Variants in ZFP2 observed in about 807,000 individuals in gnomAD.
ZFP2 encodes ZFP2 zinc finger protein.
A neutral mutation model predicts 36.1 loss-of-function variants in ZFP2; 33 were observed. The observed-to-expected ratio is 0.92, with a 90% CI of 0.69 to 1.22. The LOEUF is 1.22. ZFP2 is among the 50% of genes most tolerant of loss of function. ZFP2 has a pLI of 0.00. For missense variants in ZFP2, 522 were observed against 551.4 expected, an observed-to-expected ratio of 0.95 and a Z score of 0.53; for synonymous variants, 170 against 178.0, an observed-to-expected ratio of 0.96 and a Z score of 0.36.
At chr5:178,924,122 C>T (rs1314817194) in intron 4 of ZFP2, among the ~76,000 whole-genome samples, 1 of 149,126 alleles carries the variant, frequency 6.7e-6, no homozygotes, top group African/African-American at 2.4e-5. Context: ...GCCTGTAATC[C>T]CAGCACTTTT....
Position 178,931,760 on chromosome 5 carries a change from A to G in ZFP2, c.447A>G (p.Gln149=). 6.2e-7 allele frequency: 1 copy of G among 1,614,098 alleles called. No individual in the cohort carries two copies. Among genetic ancestry groups the G allele is most frequent in the South Asian group, 1.1e-5 (1 of 91,082 alleles). The change falls in exon 5 of 5, where the codon CAA becomes CAG. Residue 149 remains glutamine, a synonymous_variant. Coordinates refer to ENST00000361362, the MANE Select transcript of ZFP2 (RefSeq NM_030613.4). ...FIERSSLTVH[Q]RIHTGEKPYK... ...AACGATCCTCCCTTACTGTACATCAAAGAATTCATACTGGAGAGAAACCCT... is the reference window on the plus strand; with the variant it reads ...AACGATCCTCCCTTACTGTACATCAGAGAATTCATACTGGAGAGAAACCCT...
rs764554757 is a variant in ZFP2 at position 178,921,416 on chromosome 5, G to A, written c.-78+4706G>A. ...GACAAAGAAAAGATGATGAAGTGGG[G>A]CTTCTTGCTACCCTTCTTGGGACCA... On this transcript the variant is annotated intron_variant, in intron 4 of 4. Transcript: ENST00000361362. Among the ~76,000 whole-genome samples the A allele has an allele frequency of 3.4e-4, 44 of 128,030 alleles. 4 individuals are homozygous for A. Among genetic ancestry groups the A allele is most frequent in the Non-Finnish European group, 6.1e-4 (32 of 52,544 alleles). The allele number at this position is 128,030 out of a possible 152,430, so 84.0% of individuals were successfully genotyped here.
intron 1 of ZFP2, among the ~76,000 whole-genome samples, chr5:178,908,412 A>C (rs899139512): frequency 6.6e-6 from 1 of 150,848 alleles, no homozygotes; most frequent in African/African-American, 2.4e-5. Context: ...GCGCCACTGC[A>C]CTCCAGCCTG....
chr5:178,913,272 A>T (rs1013785886), intron 3 of ZFP2, among the ~76,000 whole-genome samples: 1 of 152,142 alleles, frequency 6.6e-6, no homozygotes, highest in Non-Finnish European at 1.5e-5. Context: ...GGAGTAAATG[A>T]GTTTTTACAT....
chr5:178,912,124 C>T (rs1418284745), intron 1 of ZFP2, among the ~76,000 whole-genome samples: 1 of 152,136 alleles, frequency 6.6e-6, no homozygotes, highest in Admixed American at 6.5e-5. Context: ...CAGAGCAAGA[C>T]TCGGTCTCAA....
rs1172687652 is a variant in ZFP2, at chr5:178,931,387, A to C, written c.74A>C (p.Gln25Pro). The change falls in exon 5 of 5, where the codon CAG becomes CCG. Residue 25 changes from glutamine to proline, a missense_variant. By Grantham distance (76) the Gln-to-Pro change is moderately conservative. Transcript: ENST00000361362. ...CCTAATAATTGGTTAGAGGGACAACAGGATAGTCATCTGAGCCAAGTGGGA... is the reference window on the plus strand; with the variant it reads ...CCTAATAATTGGTTAGAGGGACAACCGGATAGTCATCTGAGCCAAGTGGGA... Reference protein sequence around the residue: ...WEPNNWLEGQQDSHLSQVGVT... With the variant: ...WEPNNWLEGQPDSHLSQVGVT... The C allele has an allele frequency of 6.2e-7, 1 of 1,614,122 alleles. No homozygotes were observed. Among genetic ancestry groups the C allele is most frequent in the African/African-American group, 1.3e-5 (1 of 75,034 alleles).
intron 4 of ZFP2, among the ~76,000 whole-genome samples, chr5:178,924,575 C>G (rs571373714): frequency 1.1e-4 from 17 of 148,654 alleles, no homozygotes; most frequent in Non-Finnish European, 2.6e-4. Flanking sequence ...CACAGGGGCT[C>G]CCACCAGTAA....
intron 1 of ZFP2, among the ~76,000 whole-genome samples, chr5:178,897,389 T>C (rs1311176455): frequency 6.6e-6 from 1 of 152,252 alleles, no homozygotes; most frequent in African/African-American, 2.4e-5. Flanking sequence ...TAAGCATGTT[T>C]CCTGACTGTG....
In ZFP2 at chr5:178,910,158, T is replaced by A. The variant is rs1223249512; in HGVS notation, c.-449-2426T>A. On this transcript the variant is annotated intron_variant, in intron 1 of 4. Coordinates refer to ENST00000361362, the MANE Select transcript of ZFP2 (RefSeq NM_030613.4). ...ACAGATTCTGTCACTGCTGTCTGCATTTAATGCTTTGCAGCCATCAAAAAT... is the reference window on the plus strand; with the variant it reads ...ACAGATTCTGTCACTGCTGTCTGCAATTAATGCTTTGCAGCCATCAAAAAT... 2.7e-6 allele frequency: 4 copies of A among 1,475,458 alleles called. No homozygotes were observed. In the African/African-American group the frequency reaches 5.5e-5, roughly 20 times the overall value. The allele number at this position is 1,475,458 out of a possible 1,614,324, so 91.4% of individuals were successfully genotyped here.
chr5:178,900,490 GA>G (rs1758033732), intron 1 of ZFP2, among the ~76,000 whole-genome samples: 1 of 43,548 alleles, frequency 2.3e-5, no homozygotes, highest in Non-Finnish European at 4.5e-5. Flanking sequence ...TCCCCAGCCA[GA>G]CAGTGTCCTC....
At chr5:178,922,706 A>G (rs1758582515) in intron 4 of ZFP2, 2 of 1,580,796 alleles carry the variant, frequency 1.3e-6, no homozygotes, top group Non-Finnish European at 1.7e-6. Flanking sequence ...AGCAACTTAC[A>G]TACAAGAACA....
Position 178,904,843 on chromosome 5 carries a change from C to T in ZFP2, c.-449-7741C>T, listed in dbSNP as rs577199496. 4.6e-5 allele frequency among the ~76,000 whole-genome samples: 7 copies of T among 151,848 alleles called. No individual in the cohort carries two copies. In the East Asian group the frequency reaches 9.7e-4, roughly 21 times the overall value. On this transcript the variant is annotated intron_variant, in intron 1 of 4. Coordinates refer to ENST00000361362, the MANE Select transcript of ZFP2 (RefSeq NM_030613.4). ...TCAGCCTCCTCAGTAGCTGGGACTACAGGCACGTGCCACCACGCCTGGCTA... is the reference window on the plus strand; with the variant it reads ...TCAGCCTCCTCAGTAGCTGGGACTATAGGCACGTGCCACCACGCCTGGCTA...
At position 178,924,791 on chromosome 5, in the gene ZFP2, T is replaced by G. The variant is rs1309918811; in HGVS notation, c.-77-6446T>G. 2.7e-5 allele frequency among the ~76,000 whole-genome samples: 4 copies of G among 148,572 alleles called. 1 individual carries two copies. In the Admixed American group the frequency reaches 2.7e-4, roughly 10 times the overall value. ...TGAACCCAGGAGGCGGAGGTAGCAG[T>G]AAGCCGAGATTGCGCCATTGCACTA... is the stretch of plus-strand genomic sequence containing the variant. On this transcript the variant is annotated intron_variant, in intron 4 of 4. Transcript: ENST00000361362.
intron 1 of ZFP2, among the ~76,000 whole-genome samples, chr5:178,906,437 T>C (rs1758167095): frequency 6.6e-6 from 1 of 152,252 alleles, no homozygotes; most frequent in African/African-American, 2.4e-5. Context: ...ATTTGCCTGC[T>C]ATATCCTGTG....
chr5:178,915,104 TG>T (rs1272422132), intron 3 of ZFP2, among the ~76,000 whole-genome samples: 1 of 152,184 alleles, frequency 6.6e-6, no homozygotes, highest in African/African-American at 2.4e-5. Context: ...AGTATTTCAT[TG>T]TTTTTGTTTC....
chr5:178,924,169 C>T (rs577145941), intron 4 of ZFP2, among the ~76,000 whole-genome samples: 8 of 148,472 alleles, frequency 5.4e-5, no homozygotes, highest in South Asian at 2.1e-4. Flanking sequence ...GTCAGGAGAT[C>T]GAGACCATCT....
In ZFP2 at chr5:178,926,523, C is replaced by T. The variant is rs1034465402; in HGVS notation, c.-77-4714C>T. Among the ~76,000 whole-genome samples, 4 of 147,124 alleles carry T rather than the reference C, an allele frequency of 2.7e-5. No homozygotes were observed. The South Asian group carries it at 8.7e-4, about 32-fold the overall frequency. ...TTCACATGTCACCTGCTGGTATTTT[C>T]TTTTTTTTTTTGAGATGGAGTCTCG... On this transcript the variant is annotated intron_variant, in intron 4 of 4. Transcript: ENST00000361362.
chr5:178,931,187 G>T, intron 4 of ZFP2, 50 bp from the exon 5 acceptor site: 2 of 1,461,938 alleles, frequency 1.4e-6, no homozygotes, highest in Admixed American at 2.9e-5. Context: ...GCAGTTTCCA[G>T]TCTCCTAGCA....
chr5:178,927,802 G>A (rs11959507), intron 4 of ZFP2, among the ~76,000 whole-genome samples: 28,362 of 151,256 alleles, frequency 0.19, 3,230 homozygotes, highest in Non-Finnish European at 0.24. Flanking sequence ...CTCCCAAAGC[G>A]CTGGGATTAC....
Sources: gnomAD v4.1 joint callset for allele counts (sites outside exome capture counted in the v4.1 genomes callset) on GRCh38, gnomAD v4.1.1 for gene constraint, MANE v1.5 for transcripts, NCBI Gene and HGNC (gene_info 2026-07-23, HGNC 2026-07-21) for gene names.